The following TRPV3 variants were observed in gnomAD, a reference collection of about 807,000 sequenced individuals.
TRPV3 encodes the protein transient receptor potential cation channel subfamily V member 3, also known as VRL-3.
Under a neutral mutation model 87.1 loss-of-function variants are expected in TRPV3, and 88 were observed. That is an observed-to-expected ratio of 1.01 (90% CI 0.85 to 1.21). TRPV3 has a LOEUF of 1.21. TRPV3 is among the 50% of genes most tolerant of loss of function. TRPV3 has a pLI of 0.00. For missense variants in TRPV3, 1,054 were observed against 1,030.1 expected, an observed-to-expected ratio of 1.02 and a Z score of -0.32; for synonymous variants, 438 against 423.3, an observed-to-expected ratio of 1.03 and a Z score of -0.43.
Position 3,530,372 on chromosome 17 carries a change from A to C in TRPV3, c.1066-169T>G. The C allele has an allele frequency of 1.7e-6, 1 of 597,518 alleles. No individual in the cohort carries two copies. The highest frequency in any genetic ancestry group is 2.8e-6 in the Non-Finnish European group (1 of 352,944). 37.0% of individuals were successfully genotyped at this position (597,518 alleles called of 1,614,324 possible). A position where few individuals can be genotyped will look rare whatever the true frequency, so the allele number is the denominator to read the frequency against. ...CCCTGGGCCCCGTCTTTATCTGTGG[A>C]ATGCGCACAAAGCTTGCTGTTCCGC... On this transcript the variant is annotated intron_variant, in intron 8 of 17. Transcript: ENST00000576742. This position sits in a 1 kb window ranked among gnomAD's most constrained non-coding sequence, Gnocchi z 4.0.
rs1263199183 is a variant in TRPV3 at position 3,542,696 on chromosome 17, A to G, written c.469T>C (p.Phe157Leu). The G allele has an allele frequency of 6.2e-7, 1 of 1,613,406 alleles. No homozygotes were observed. Residue 157 changes from phenylalanine (F) to leucine (L), a missense_variant and splice_region_variant, in exon 6 of 18, where the codon TTC (phenylalanine) becomes CTC (leucine). Phe to Leu is a conservative substitution (Grantham distance 22, BLOSUM62 0). Coordinates refer to ENST00000576742, the MANE Select transcript of TRPV3 (RefSeq NM_145068.4). ...RRRHDEDVPD[F>L]LMHKLTASDT... The stretch of plus-strand genomic sequence containing the variant: ...GAGGCCGTCAGCTTGTGCATGAGGA[A>G]GTCTGCAGGCAGGGCCATGGGTGGA...
In TRPV3 at chr17:3,540,057, C is replaced by CAAAA. The variant is rs1426301438; in HGVS notation, c.643+2461_643+2464dup. 8.4e-5 allele frequency among the ~76,000 whole-genome samples: 11 copies of CAAAA among 130,890 alleles called. No individual in the cohort carries two copies. In the East Asian group the frequency reaches 1.3e-3, roughly 15 times the overall value. The allele number at this position is 130,890 out of a possible 152,430, so 85.9% of individuals were successfully genotyped here. A position where few individuals can be genotyped will look rare whatever the true frequency, so the allele number is the denominator to read the frequency against. ...CTGGTGACACAGCGGAACTCCATCT[C>CAAAA]AAAAAATAAATAAATAAATAAATAA... On this transcript the variant is annotated intron_variant, in intron 6 of 17. Coordinates refer to ENST00000576742, the MANE Select transcript of TRPV3 (RefSeq NM_145068.4).
chr17:3,522,793 G>A (rs1336581256), intron 13 of TRPV3, among the ~76,000 whole-genome samples: 1 of 149,506 alleles, frequency 6.7e-6, no homozygotes, highest in African/African-American at 2.5e-5. Context: ...CTCCAGCCTG[G>A]GCAACAGAGC....
At chr17:3,535,520 CG>C (rs1485297708) in intron 7 of TRPV3, 52 bp downstream of exon 7, 5 of 1,499,604 alleles carry the variant, frequency 3.3e-6, no homozygotes, top group Admixed American at 2.2e-5. Context: ...CTTCCTCTCC[CG>C]TCTCCCTCCT....
intron 6 of TRPV3, among the ~76,000 whole-genome samples, chr17:3,541,223 C>T (rs1308323680): frequency 1.3e-5 from 2 of 152,196 alleles, no homozygotes; most frequent in East Asian, 3.9e-4. Flanking sequence ...AAAAAATTAG[C>T]CAGGCATGGT....
intron 6 of TRPV3, among the ~76,000 whole-genome samples, chr17:3,536,039 C>T (rs1192604960): frequency 6.6e-6 from 1 of 152,196 alleles, no homozygotes; most frequent in Non-Finnish European, 1.5e-5. Flanking sequence ...GGTGCAGGAG[C>T]TGCGGTACCC....
rs182703459 is a variant in TRPV3 at position 3,528,526 on chromosome 17, G to A, written c.1401+311C>T. Among the ~76,000 whole-genome samples the A allele has an allele frequency of 1.3e-5, 2 of 152,282 alleles. No individual in the cohort carries two copies. The highest frequency in any genetic ancestry group is 3.9e-4 in the East Asian group (2 of 5,180). ...AGAGCTTATCCTCCTCCCGTTTCCT[G>A]CAGCCCTCACAGCAGAAACACCCAG... On this transcript the variant is annotated intron_variant, in intron 10 of 17. Coordinates refer to ENST00000576742, the MANE Select transcript of TRPV3 (RefSeq NM_145068.4). The surrounding 1 kb of genome is among the most constrained non-coding windows in gnomAD (Gnocchi z 4.2).
In TRPV3 at chr17:3,526,877, C is replaced by T. The variant is rs755434696; in HGVS notation, c.1554G>A (p.Ser518=). 10 of 1,611,866 alleles carry T rather than the reference C, an allele frequency of 6.2e-6. No individual in the cohort carries two copies. The highest frequency in any genetic ancestry group is 2.2e-5 in the East Asian group (1 of 44,846). The change falls in exon 12 of 18, where the codon TCG becomes TCA. Residue 518 remains serine (S), a synonymous_variant. Transcript: ENST00000576742. ...ACAAGACAAAGTGGAACCAGGCATCCGAGAGGATGGACTGCAGATCCGAGG... is the reference window on the plus strand; with the variant it reads ...ACAAGACAAAGTGGAACCAGGCATCTGAGAGGATGGACTGCAGATCCGAGG... ...LRPSDLQSIL[S]DAWFHFVFFI...
rs137996305 is a variant in TRPV3 at position 3,544,429 on chromosome 17, C to T, written c.311+150G>A. Reference sequence around the variant, plus strand: ...CAATACTCCACTCCTTCCCCGTAAACGTCCTACATGCCATGGACCCATGAC... The same window carrying T: ...CAATACTCCACTCCTTCCCCGTAAATGTCCTACATGCCATGGACCCATGAC... On this transcript the variant is annotated intron_variant, in intron 4 of 17. Transcript: ENST00000576742. The T allele has an allele frequency of 8.1e-4, 458 of 566,704 alleles. 2 individuals are homozygous for T. The African/African-American group carries it at 8.3e-3, about 10-fold the overall frequency. 35.1% of individuals were successfully genotyped at this position (566,704 alleles called of 1,614,324 possible).
chr17:3,543,695 G>A (rs1031182673), intron 4 of TRPV3, 67 bp from the exon 5 acceptor site: 66 of 1,589,140 alleles, frequency 4.2e-5, no homozygotes, highest in Non-Finnish European at 5.1e-5. Context: ...CCTTTTCCCC[G>A]CCAGAGCTGC....
intron 2 of TRPV3, chr17:3,552,548 G>A (rs375111701): frequency 9.8e-5 from 15 of 152,422 alleles, no homozygotes; most frequent in African/African-American, 3.6e-4. Context: ...ACTCAGCTCT[G>A]AGGGGGGTGC....
At chr17:3,525,041 A>G (rs1350561808) in intron 12 of TRPV3, among the ~76,000 whole-genome samples, 1 of 152,162 alleles carries the variant, frequency 6.6e-6, no homozygotes, top group Non-Finnish European at 1.5e-5. Context: ...GGGGGCAGAG[A>G]CAGGGTCTTG....
intron 7 of TRPV3, among the ~76,000 whole-genome samples, chr17:3,533,838 G>A (rs2150793046): frequency 6.6e-6 from 1 of 152,238 alleles, no homozygotes; most frequent in Non-Finnish European, 1.5e-5. Flanking sequence ...TCATATCATA[G>A]TATATAAAAT....
chr17:3,516,642 G>A, intron 15 of TRPV3, 73 bp from the exon 16 acceptor site: 1 of 1,070,116 alleles, frequency 9.3e-7, no homozygotes, highest in Non-Finnish European at 1.5e-6. Context: ...CACACTGTCG[G>A]GGAGCCCACT....
chr17:3,540,118 G>A (rs962493999), intron 6 of TRPV3, among the ~76,000 whole-genome samples: 12 of 151,478 alleles, frequency 7.9e-5, no homozygotes, highest in African/African-American at 2.7e-4. Flanking sequence ...TCTAAATAAG[G>A]TTATTTTAGA....
At chr17:3,541,104 G>A (rs2074455068) in intron 6 of TRPV3, among the ~76,000 whole-genome samples, 1 of 152,206 alleles carries the variant, frequency 6.6e-6, no homozygotes, top group Non-Finnish European at 1.5e-5. Flanking sequence ...GGTGGCTCAC[G>A]CCTGGAATCC....
chr17:3,515,908 T>G (rs1474264396), intron 16 of TRPV3, among the ~76,000 whole-genome samples: 1 of 151,530 alleles, frequency 6.6e-6, no homozygotes, highest in African/African-American at 2.4e-5. Flanking sequence ...AGAGAGGGGC[T>G]GGGTGCGGTG....
chr17:3,532,744 C>A lies in TRPV3; in HGVS notation c.978G>T (p.Leu326=). ...FVKRMYDMIL[L]RSGNWELETT... ...TCTCCAGCTCCCAGTTGCCACTCCG[C>A]AGTAGGATCATGTCGTACATGCGCT... Residue 326 remains leucine (L), a synonymous_variant, in exon 8 of 18, where the codon CTG becomes CTT. Coordinates refer to ENST00000576742, the MANE Select transcript of TRPV3 (RefSeq NM_145068.4). The A allele has an allele frequency of 6.2e-7, 1 of 1,614,270 alleles. No individual in the cohort carries two copies. The highest frequency in any genetic ancestry group is 8.5e-7 in the Non-Finnish European group (1 of 1,180,050).
intron 2 of TRPV3, among the ~76,000 whole-genome samples, chr17:3,547,720 G>A (rs1435150180): frequency 6.6e-6 from 1 of 152,200 alleles, no homozygotes; most frequent in Admixed American, 6.5e-5. Context: ...CGGTGGAGGG[G>A]GGCAGCGGAG....
Sources: gnomAD v4.1 joint callset for allele counts (sites outside exome capture counted in the v4.1 genomes callset) on GRCh38, gnomAD v4.1.1 for gene constraint, Gnocchi (gnomAD v3.1) non-coding constraint, MANE v1.5 for transcripts, NCBI Gene and HGNC (gene_info 2026-07-23, HGNC 2026-07-21) for gene names.